Variants in KCNK17 observed in about 807,000 individuals in gnomAD.
KCNK17 encodes potassium two pore domain channel subfamily K member 17, also known as potassium channel subfamily K member 17.
A neutral mutation model predicts 24.6 loss-of-function variants in KCNK17; 27 were observed. The observed-to-expected ratio is 1.10, with a 90% CI of 0.81 to 1.51. The LOEUF (loss-of-function observed/expected upper bound fraction) is 1.51. KCNK17 is among the 40% of genes most tolerant of loss of function. KCNK17 has a pLI of 0.00. For synonymous variants in KCNK17, 181 were observed against 189.8 expected (o/e 0.95, Z 0.38); for missense variants, 450 against 436.6 (o/e 1.03, Z -0.27).
At position 39,299,649 on chromosome 6, in the gene KCNK17, G is replaced by A; in HGVS notation, c.777C>T (p.Ile259=). ...CCAGCTGGGAGAGGATGAGTTTGAT[G>A]ATCAAGGCCAGCCATGCCATCCCAA... ...ILFGMAWLAL[I]IKLILSQLET... Residue 259 remains isoleucine (I), a synonymous_variant, in exon 5 of 5, where the codon ATC becomes ATT. Coordinates refer to ENST00000373231, the MANE Select transcript of KCNK17 (RefSeq NM_031460.4). 6.2e-7 allele frequency: 1 copy of A among 1,614,122 alleles called. No homozygotes were observed. Among genetic ancestry groups the A allele is most frequent in the Non-Finnish European group, 8.5e-7 (1 of 1,180,020 alleles).
chr6:39,304,666 AG>A lies in KCNK17; in HGVS notation c.353-12del. 2 of 1,604,676 alleles carry A rather than the reference AG, an allele frequency of 1.2e-6. No homozygotes were observed. The highest frequency in any genetic ancestry group is 1.7e-6 in the Non-Finnish European group (2 of 1,172,162). The stretch of plus-strand genomic sequence containing the variant: ...TCAGGTTGCCATAGCCTGAGGTGAG[AG>A]GGGGCACTCAGGGGACATTTCCAGC... On this transcript the variant is annotated splice_polypyrimidine_tract_variant and intron_variant, in intron 2 of 4. Transcript: ENST00000373231.
chr6:39,313,118 G>A (rs966188095), intron 1 of KCNK17, among the ~76,000 whole-genome samples: 12 of 152,326 alleles, frequency 7.9e-5, no homozygotes, highest in African/African-American at 2.9e-4. Flanking sequence ...CTTGGACGAA[G>A]GGGTGGGGAA....
At chr6:39,310,680 C>A (rs1410531466) in intron 2 of KCNK17, among the ~76,000 whole-genome samples, 2 of 152,132 alleles carry the variant, frequency 1.3e-5, no homozygotes, top group African/African-American at 4.8e-5. Context: ...GCACATGAAT[C>A]CCCTGGGGAC....
At chr6:39,300,454 G>A in intron 4 of KCNK17, 1 of 1,542,350 alleles carries the variant, frequency 6.5e-7, no homozygotes. Flanking sequence ...GCCCCCAGAG[G>A]ATTTCGATGT....
At chr6:39,308,009 T>C (rs926087237) in intron 2 of KCNK17, among the ~76,000 whole-genome samples, 1 of 152,202 alleles carries the variant, frequency 6.6e-6, no homozygotes, top group African/African-American at 2.4e-5. Context: ...TCAATGTTAC[T>C]GTATCAGCTT....
intron 2 of KCNK17, 127 bp from the exon 3 acceptor site, chr6:39,304,782 T>C (rs1762008304): frequency 9.9e-7 from 1 of 1,007,548 alleles, no homozygotes; most frequent in Admixed American, 2.2e-5. Flanking sequence ...GGGCAGCTGA[T>C]ACTTACCAAG....
intron 4 of KCNK17, among the ~76,000 whole-genome samples, chr6:39,303,282 T>C (rs906266997): frequency 1.3e-5 from 2 of 152,186 alleles, no homozygotes; most frequent in African/African-American, 4.8e-5. Flanking sequence ...CAGCGGCACC[T>C]TCAGGGACAG....
chr6:39,304,486 C>A lies in KCNK17; in HGVS notation c.513+9G>T, dbSNP rs1762000769. ...GACCCATCCCCACCCCGTCCAGCAGCCCCCTCACCTGCCAGGTGCCCCCCA... is the reference window on the plus strand; with the variant it reads ...GACCCATCCCCACCCCGTCCAGCAGACCCCTCACCTGCCAGGTGCCCCCCA... On this transcript the variant is annotated intron_variant, in intron 3 of 4. Transcript: ENST00000373231. 1 of 1,608,910 alleles carries A rather than the reference C, an allele frequency of 6.2e-7. No individual in the cohort carries two copies. The highest frequency in any genetic ancestry group is 2.2e-5 in the East Asian group (1 of 44,756).
intron 4 of KCNK17, chr6:39,300,460 G>C (rs907642343): frequency 6.5e-7 from 1 of 1,546,850 alleles, no homozygotes; most frequent in South Asian, 1.2e-5. Flanking sequence ...AGAGGATTTC[G>C]ATGTCCGCTC....
rs377562536 is a variant in KCNK17, at chr6:39,304,279, G to A, written c.514-148C>T. The A allele has an allele frequency of 3.8e-4, 315 of 837,358 alleles. No individual in the cohort carries two copies. The African/African-American group carries it at 3.9e-3, about 10-fold the overall frequency. The allele number at this position is 837,358 out of a possible 1,614,324, so 51.9% of individuals were successfully genotyped here. On this transcript the variant is annotated intron_variant, in intron 3 of 4. Transcript: ENST00000373231. Reference sequence around the variant, plus strand: ...TCTCCAGGTTCCCTGCCTGGAGCCTGTGCCTCATGTCCTTCCTGTCTGCCC... The same window carrying A: ...TCTCCAGGTTCCCTGCCTGGAGCCTATGCCTCATGTCCTTCCTGTCTGCCC...
At chr6:39,314,007 C>T in intron 1 of KCNK17, 77 bp downstream of exon 1, 3 of 1,150,546 alleles carry the variant, frequency 2.6e-6, no homozygotes, top group East Asian at 2.8e-5. Context: ...GAATAGGCCC[C>T]CTCGCCCTCG....
chr6:39,300,419 C>A (rs1014090775), intron 4 of KCNK17: 2 of 1,451,576 alleles, frequency 1.4e-6, no homozygotes, highest in African/African-American at 1.4e-5. Flanking sequence ...CCACCGTGCC[C>A]GGCCAGAAAT....
intron 2 of KCNK17, among the ~76,000 whole-genome samples, chr6:39,310,608 C>T (rs2113840370): frequency 6.6e-6 from 1 of 152,266 alleles, no homozygotes; most frequent in South Asian, 2.1e-4. Flanking sequence ...GAGACCTCTG[C>T]TTCCTGAAAG....
At chr6:39,306,525 C>T (rs887844778) in intron 2 of KCNK17, among the ~76,000 whole-genome samples, 1 of 152,196 alleles carries the variant, frequency 6.6e-6, no homozygotes, top group African/African-American at 2.4e-5. Context: ...CTAGCACTGC[C>T]TAACATTCTT....
At chr6:39,302,722 C>T (rs968055902) in intron 4 of KCNK17, among the ~76,000 whole-genome samples, 2 of 152,138 alleles carry the variant, frequency 1.3e-5, no homozygotes, top group African/African-American at 4.8e-5. Context: ...CTCAGCTGTC[C>T]TGGGACATAT....
In KCNK17 at chr6:39,304,578, T is replaced by C. The variant is rs776652930; in HGVS notation, c.430A>G (p.Asn144Asp). The change falls in exon 3 of 5, where the codon AAC (asparagine) becomes GAC (aspartate). Residue 144 changes from asparagine (N) to aspartate (D), a missense_variant. Coordinates refer to ENST00000373231, the MANE Select transcript of KCNK17 (RefSeq NM_031460.4). ...CCCAGTCGGTTGAGCACCACGAGGTTGAGTGGGATCCCCACAAGGGCAAAG... is the reference window on the plus strand; with the variant it reads ...CCCAGTCGGTTGAGCACCACGAGGTCGAGTGGGATCCCCACAAGGGCAAAG... The part of the protein sequence containing the change: ...IFFALVGIPL[N>D]LVVLNRLGHL... 3 of 1,613,746 alleles carry C rather than the reference T, an allele frequency of 1.9e-6. No individual in the cohort carries two copies. Among genetic ancestry groups the C allele is most frequent in the Non-Finnish European group, 2.5e-6 (3 of 1,179,640 alleles).
intron 2 of KCNK17, among the ~76,000 whole-genome samples, chr6:39,310,111 C>T (rs1390756957): frequency 6.6e-6 from 1 of 152,142 alleles, no homozygotes; most frequent in Admixed American, 6.5e-5. Context: ...CCAGTGATAC[C>T]AGCCTGCCAC....
intron 2 of KCNK17, among the ~76,000 whole-genome samples, chr6:39,305,119 G>A (rs1385558511): frequency 1.3e-5 from 2 of 152,186 alleles, no homozygotes; most frequent in Admixed American, 6.5e-5. Context: ...GGCACAGTGG[G>A]GCACTGAAGC....
chr6:39,313,892 G>A (rs1439442601), intron 1 of KCNK17, among the ~76,000 whole-genome samples, 192 bp downstream of exon 1: 1 of 152,160 alleles, frequency 6.6e-6, no homozygotes, highest in African/African-American at 2.4e-5. Flanking sequence ...CTTTTCCTCC[G>A]AGGTCCCCCA....
Sources: allele counts gnomAD v4.1 joint callset (sites outside exome capture counted in the v4.1 genomes callset), GRCh38; gene constraint gnomAD v4.1.1; transcripts MANE v1.5; gene names NCBI Gene and HGNC (gene_info 2026-07-23, HGNC 2026-07-21).